GRAMD1B: variants seen among roughly 807,000 people sequenced by gnomAD.
GRAMD1B encodes protein Aster-B.
A neutral mutation model predicts 99.7 loss-of-function variants in GRAMD1B; 37 were observed. That is an observed-to-expected ratio of 0.37 (90% confidence interval 0.29 to 0.49). GRAMD1B has a LOEUF of 0.49. GRAMD1B is among the 20% of genes least tolerant of loss of function. The pLI is 0.98. For missense variants in GRAMD1B, 888 were observed against 1,009.2 expected, an observed-to-expected ratio of 0.88 and a Z score of 1.63; for synonymous variants, 427 against 387.6, an observed-to-expected ratio of 1.10 and a Z score of -1.19.
intron 1 of GRAMD1B, among the ~76,000 whole-genome samples, chr11:123,455,397 G>C (rs1260928579): frequency 1.3e-5 from 2 of 152,138 alleles, no homozygotes. Flanking sequence ...AGTGTGCTAG[G>C]ATTACAGGCA....
chr11:123,513,605 C>CTTTCTTTCTTTCTTTCTTTCTTT (rs1555050188), intron 2 of GRAMD1B, among the ~76,000 whole-genome samples: 88 of 31,712 alleles, frequency 2.8e-3, no homozygotes, highest in Middle Eastern at 0.022. Context: ...TTCCTTCCTT[C>CTTTCTTTCTTTCTTTCTTTCTTT]CTTCCTTCCT....
intron 1 of GRAMD1B, among the ~76,000 whole-genome samples, chr11:123,478,705 A>G (rs1316306135): frequency 2.6e-5 from 4 of 151,970 alleles, no homozygotes; most frequent in Admixed American, 6.6e-5. Flanking sequence ...CCGGGGGAGG[A>G]TAGGGGGACT....
At position 123,570,580 on chromosome 11, in the gene GRAMD1B, C is replaced by G. The variant is rs1285705730; in HGVS notation, c.453-6787C>G. Reference sequence around the variant, plus strand: ...CTGGGATTACAGGTGTGCACCACCACGCCCAGCTTATTTTTGTATTTTCAG... The same window carrying G: ...CTGGGATTACAGGTGTGCACCACCAGGCCCAGCTTATTTTTGTATTTTCAG... On this transcript the variant is annotated intron_variant, in intron 2 of 19. Coordinates refer to ENST00000635736, the MANE Select transcript of GRAMD1B (RefSeq NM_001387025.1). 2.0e-5 allele frequency among the ~76,000 whole-genome samples: 3 copies of G among 151,976 alleles called. No homozygotes were observed. The South Asian group carries it at 6.2e-4, about 32-fold the overall frequency.
intron 1 of GRAMD1B, among the ~76,000 whole-genome samples, chr11:123,379,580 C>T (rs1000759070): frequency 3.3e-5 from 5 of 152,144 alleles, no homozygotes; most frequent in South Asian, 4.1e-4. Flanking sequence ...ATCCAACCAT[C>T]GGCTCATAGA....
rs761108678 is a variant in GRAMD1B, at chr11:123,614,855, C to T, written c.2318+20C>T. On this transcript the variant is annotated intron_variant, in intron 17 of 19. Transcript: ENST00000635736. ...CTGTGTGTAAGGGATTCTAGGTTTT[C>T]CTATCCTGCCCTCACCACCTTCCCT... 7.1e-5 allele frequency: 100 copies of T among 1,413,958 alleles called. No individual in the cohort carries two copies. Among genetic ancestry groups the T allele is most frequent in the Non-Finnish European group, 9.7e-5 (97 of 1,004,086 alleles). 87.6% of individuals were successfully genotyped at this position (1,413,958 alleles called of 1,614,324 possible).
At chr11:123,480,532 G>C (rs1324940285) in intron 1 of GRAMD1B, among the ~76,000 whole-genome samples, 1 of 152,144 alleles carries the variant, frequency 6.6e-6, no homozygotes, top group African/African-American at 2.4e-5. Context: ...TGCTCTTTGA[G>C]GTTTATATAG....
At chr11:123,514,228 AAAG>A (rs1941452484) in intron 2 of GRAMD1B, among the ~76,000 whole-genome samples, 2 of 152,182 alleles carry the variant, frequency 1.3e-5, no homozygotes, top group Admixed American at 6.5e-5. Flanking sequence ...AGGGCTTTGT[AAAG>A]AAGGTTACAT....
At chr11:123,599,261 C>T (rs758583696) in intron 7 of GRAMD1B, 36 of 743,442 alleles carry the variant, frequency 4.8e-5, no homozygotes, top group African/African-American at 1.7e-4. Flanking sequence ...GTAATCCATC[C>T]TTATCATCAT....
Position 123,547,999 on chromosome 11 carries a change from C to T in GRAMD1B, c.453-29368C>T, listed in dbSNP as rs1945183528. Among the ~76,000 whole-genome samples, 3 of 152,066 alleles carry T rather than the reference C, an allele frequency of 2.0e-5. No individual in the cohort carries two copies. In the South Asian group the frequency reaches 6.2e-4, roughly 31 times the overall value. The stretch of plus-strand genomic sequence containing the variant: ...AGGGTCAGGGGCTTATTCTGCAGTA[C>T]TGCCTACCTCAGGCAGGCTCCGGCA... On this transcript the variant is annotated intron_variant, in intron 2 of 19. Coordinates refer to ENST00000635736, the MANE Select transcript of GRAMD1B (RefSeq NM_001387025.1).
At chr11:123,594,864 G>A (rs1234404957) in intron 6 of GRAMD1B, 26 bp downstream of exon 6, 1 of 1,220,114 alleles carries the variant, frequency 8.2e-7, no homozygotes, top group African/African-American at 1.5e-5. Context: ...TGCTCCCTTG[G>A]GCTGTCTCCT....
chr11:123,466,469 AAAAG>A (rs148698290), intron 1 of GRAMD1B, among the ~76,000 whole-genome samples: 357 of 145,900 alleles, frequency 2.4e-3, no homozygotes, highest in Non-Finnish European at 2.4e-3. Flanking sequence ...AGAAAGAAAG[AAAAG>A]AAAGAAAGAA....
chr11:123,540,430 T>G (rs1944396018), intron 2 of GRAMD1B, among the ~76,000 whole-genome samples: 1 of 152,218 alleles, frequency 6.6e-6, no homozygotes, highest in East Asian at 1.9e-4. Flanking sequence ...CTACAAGGCT[T>G]TACACATAGT....
At chr11:123,375,296 A>G (rs1200963056) in intron 1 of GRAMD1B, among the ~76,000 whole-genome samples, 1 of 152,136 alleles carries the variant, frequency 6.6e-6, no homozygotes, top group African/African-American at 2.4e-5. Flanking sequence ...GGTGGCTCAC[A>G]CCTGTTAATC....
intron 2 of GRAMD1B, among the ~76,000 whole-genome samples, chr11:123,505,041 A>G (rs1398427802): frequency 6.6e-6 from 1 of 151,928 alleles, no homozygotes; most frequent in Non-Finnish European, 1.5e-5. Flanking sequence ...ACTGTTTTTG[A>G]TGACATTTTT....
chr11:123,406,016 CTT>C (rs72167101), intron 1 of GRAMD1B, among the ~76,000 whole-genome samples: 18,807 of 139,734 alleles, frequency 0.13, 1,545 homozygotes, highest in African/African-American at 0.26. Flanking sequence ...AACATTATTC[CTT>C]TTTTTTTTTT....
At chr11:123,442,506 A>G (rs1949454519) in intron 1 of GRAMD1B, among the ~76,000 whole-genome samples, 1 of 152,234 alleles carries the variant, frequency 6.6e-6, no homozygotes, top group Non-Finnish European at 1.5e-5. Flanking sequence ...GCGGTGGCTC[A>G]TGCCTATAAT....
chr11:123,490,885 G>A (rs947914052), intron 2 of GRAMD1B, among the ~76,000 whole-genome samples: 1 of 152,222 alleles, frequency 6.6e-6, no homozygotes, highest in East Asian at 1.9e-4. Flanking sequence ...GTAGGAAGGC[G>A]AGGAGGTTAG....
At chr11:123,548,386 A>ACC (rs1399215951) in intron 2 of GRAMD1B, among the ~76,000 whole-genome samples, 6 of 146,344 alleles carry the variant, frequency 4.1e-5, no homozygotes, top group South Asian at 4.3e-4. Context: ...ACACACACAC[A>ACC]CCCAGACAGG....
At chr11:123,446,955 AAG>A (rs1949672674) in intron 1 of GRAMD1B, among the ~76,000 whole-genome samples, 1 of 152,052 alleles carries the variant, frequency 6.6e-6, no homozygotes, top group South Asian at 2.1e-4. Flanking sequence ...GAAAGGGAGA[AAG>A]AGAGAAAGAG....
Sources: allele counts gnomAD v4.1 joint callset (sites outside exome capture counted in the v4.1 genomes callset), GRCh38; gene constraint gnomAD v4.1.1; transcripts MANE v1.5; gene names NCBI Gene and HGNC (gene_info 2026-07-23, HGNC 2026-07-21).